The following CDH20 variants were observed in gnomAD, a reference collection of about 807,000 sequenced individuals.
The protein encoded by CDH20 is cadherin 20, also known as cadherin-20.
A neutral mutation model predicts 74.2 loss-of-function variants in CDH20; 29 were observed. That is an observed-to-expected ratio of 0.39 (90% CI 0.29 to 0.53). The LOEUF is 0.53. CDH20 is among the 20% of genes least tolerant of loss of function. CDH20 has a pLI of 0.69. For synonymous variants in CDH20, 469 were observed against 405.4 expected (o/e 1.16, Z -1.88); for missense variants, 988 against 1,048.3 (o/e 0.94, Z 0.79).
At chr18:61,418,291 A>T (rs1379588050) in intron 1 of CDH20, among the ~76,000 whole-genome samples, 2 of 152,140 alleles carry the variant, frequency 1.3e-5, no homozygotes, top group Non-Finnish European at 2.9e-5. Flanking sequence ...GTGGTGGCTC[A>T]CGCCTGTAAT....
chr18:61,445,003 T>C (rs1479505548), intron 1 of CDH20, among the ~76,000 whole-genome samples: 2 of 152,162 alleles, frequency 1.3e-5, no homozygotes, highest in Non-Finnish European at 2.9e-5. Context: ...AGTTTCTTCT[T>C]TGAAAATTTA....
intron 8 of CDH20, among the ~76,000 whole-genome samples, chr18:61,538,584 G>GTTTTTTTTTTTTTTTTTT (rs1568182044): frequency 3.6e-5 from 2 of 55,846 alleles, no homozygotes; most frequent in Admixed American, 1.9e-4. Context: ...ACTACTTTTT[G>GTTTTTTTTTTTTTTTTTT]TTTGTTTGTT....
At chr18:61,490,014 T>C (rs918999852) in intron 1 of CDH20, among the ~76,000 whole-genome samples, 4 of 152,312 alleles carry the variant, frequency 2.6e-5, no homozygotes, top group South Asian at 4.1e-4. Flanking sequence ...ATATTAGTTA[T>C]TAGCTGTAAA....
chr18:61,336,365 G>T (rs1186012799), intron 1 of CDH20, among the ~76,000 whole-genome samples: 1 of 152,150 alleles, frequency 6.6e-6, no homozygotes, highest in African/African-American at 2.4e-5. Flanking sequence ...CAGTCATAGC[G>T]CAGTAGTCTT....
In CDH20 at chr18:61,496,536, G is replaced by A. The variant is rs191138590; in HGVS notation, c.247-2650G>A. Among the ~76,000 whole-genome samples, 319 of 152,178 alleles carry A rather than the reference G, an allele frequency of 2.1e-3. 2 individuals are homozygous for A. Among genetic ancestry groups the A allele is most frequent in the African/African-American group, 7.1e-3 (297 of 41,544 alleles). ...GAAAGCGAAGGCCTCACACTCAAGC[G>A]TCAGCCCAGACTCCAGGGCACCAGC... On this transcript the variant is annotated intron_variant, in intron 2 of 11. Transcript: ENST00000262717.
intron 1 of CDH20, among the ~76,000 whole-genome samples, chr18:61,433,453 TG>T (rs1908724197): frequency 6.6e-6 from 1 of 152,208 alleles, no homozygotes; most frequent in African/African-American, 2.4e-5. Flanking sequence ...CATCATGTAT[TG>T]CCACTACTTT....
chr18:61,462,727 G>T (rs1268287146), intron 1 of CDH20, among the ~76,000 whole-genome samples: 10 of 143,592 alleles, frequency 7.0e-5, no homozygotes, highest in Non-Finnish European at 1.5e-4. Context: ...AAAAAAAAGG[G>T]GGGGGGGGCA....
intron 1 of CDH20, among the ~76,000 whole-genome samples, chr18:61,432,017 A>G (rs552026500): frequency 6.6e-6 from 1 of 152,112 alleles, no homozygotes; most frequent in African/African-American, 2.4e-5. Flanking sequence ...CGGGCAGATC[A>G]CCTGAAGTAA....
At chr18:61,524,021 T>C (rs1188076320) in intron 6 of CDH20, among the ~76,000 whole-genome samples, 3 of 152,038 alleles carry the variant, frequency 2.0e-5, no homozygotes, top group Non-Finnish European at 4.4e-5. Flanking sequence ...GTAACAAACC[T>C]GCACGTTCTG....
At chr18:61,443,642 T>C (rs1909102656) in intron 1 of CDH20, among the ~76,000 whole-genome samples, 1 of 152,178 alleles carries the variant, frequency 6.6e-6, no homozygotes, top group African/African-American at 2.4e-5. Context: ...ATCAGCTGCA[T>C]GACTAAGCAC....
At chr18:61,531,007 G>C (rs1409202937) in intron 7 of CDH20, among the ~76,000 whole-genome samples, 1 of 152,180 alleles carries the variant, frequency 6.6e-6, no homozygotes, top group African/African-American at 2.4e-5. Flanking sequence ...GAATGTAATG[G>C]TTAAGAAAAG....
At chr18:61,402,030 G>A (rs1912171849) in intron 1 of CDH20, among the ~76,000 whole-genome samples, 1 of 152,098 alleles carries the variant, frequency 6.6e-6, no homozygotes, top group Non-Finnish European at 1.5e-5. Context: ...TTTGTCTAAG[G>A]GGCAGGCAAG....
At chr18:61,415,969 C>G (rs568260520) in intron 1 of CDH20, among the ~76,000 whole-genome samples, 9 of 151,790 alleles carry the variant, frequency 5.9e-5, no homozygotes, top group African/African-American at 2.2e-4. Context: ...GTCTGCTTAG[C>G]CTAATTGTTA....
intron 1 of CDH20, among the ~76,000 whole-genome samples, chr18:61,437,797 A>G (rs181047544): frequency 5.9e-5 from 9 of 152,242 alleles, no homozygotes; most frequent in Admixed American, 2.6e-4. Context: ...CTCAAATTCT[A>G]TGATTCCATA....
chr18:61,554,381 C>G lies in CDH20; in HGVS notation c.2092C>G (p.Arg698Gly). 6.2e-7 allele frequency: 1 copy of G among 1,612,880 alleles called. No individual in the cohort carries two copies. Reference protein sequence around the residue: ...EAQAGAAPKTRQDMLPEIESL... With the variant: ...EAQAGAAPKTGQDMLPEIESL... ...GCAGGCGGGGGCCGCCCCCAAGACG[C>G]GGCAGGACATGCTGCCCGAGATCGA... Residue 698 changes from arginine (R) to glycine (G), a missense_variant, in exon 12 of 12, where the codon CGG becomes GGG. Around this residue, in one of 2 missense-constraint regions of CDH20, gnomAD observed 375 missense variants for 293.1 expected, o/e 1.28. Coordinates refer to ENST00000262717, the MANE Select transcript of CDH20 (RefSeq NM_031891.4).
chr18:61,345,006 C>T (rs1341542787), intron 1 of CDH20, among the ~76,000 whole-genome samples: 1 of 152,132 alleles, frequency 6.6e-6, no homozygotes, highest in Non-Finnish European at 1.5e-5. Context: ...CATTTCAATG[C>T]CAGAAAGACA....
At chr18:61,479,350 G>C (rs1006199965) in intron 1 of CDH20, among the ~76,000 whole-genome samples, 1 of 152,044 alleles carries the variant, frequency 6.6e-6, no homozygotes, top group African/African-American at 2.4e-5. Flanking sequence ...ACATTTCTAA[G>C]TCATATGCTT....
chr18:61,369,070 G>A (rs939006411), intron 1 of CDH20, among the ~76,000 whole-genome samples: 1 of 151,946 alleles, frequency 6.6e-6, no homozygotes. Flanking sequence ...TTTGGGATTT[G>A]GGTTCAAACA....
intron 1 of CDH20, among the ~76,000 whole-genome samples, chr18:61,422,023 C>T (rs981981107): frequency 2.0e-5 from 3 of 152,076 alleles, no homozygotes; most frequent in African/African-American, 7.2e-5. Flanking sequence ...GCTTACTGTA[C>T]TTACTATCTA....
Sources: allele counts gnomAD v4.1 joint callset (sites outside exome capture counted in the v4.1 genomes callset), GRCh38; gene constraint gnomAD v4.1.1; regional missense constraint gnomAD v4.1.1; transcripts MANE v1.5; gene names NCBI Gene and HGNC (gene_info 2026-07-23, HGNC 2026-07-21).